Variants in SPOCK3 observed in about 807,000 individuals in gnomAD.
SPOCK3 encodes testican-3.
Under a neutral mutation model 56.6 loss-of-function variants are expected in SPOCK3, and 30 were observed. The observed-to-expected ratio is 0.53, with a 90% confidence interval of 0.40 to 0.72. The LOEUF is 0.72. SPOCK3 is among the 30% of genes least tolerant of loss of function. SPOCK3 has a pLI of 0.00. For synonymous variants in SPOCK3, 196 were observed against 183.3 expected, an observed-to-expected ratio of 1.07 and a Z score of -0.56; for missense variants, 527 against 530.0, an observed-to-expected ratio of 0.99 and a Z score of 0.06.
intron 3 of SPOCK3, among the ~76,000 whole-genome samples, chr4:167,012,879 T>C (rs2150147904): frequency 6.6e-6 from 1 of 152,100 alleles, no homozygotes; most frequent in Non-Finnish European, 1.5e-5. Flanking sequence ...TTCTTGGGAT[T>C]TTTTTAAACT....
chr4:166,868,436 A>G (rs1319516077), intron 6 of SPOCK3, among the ~76,000 whole-genome samples: 2 of 151,998 alleles, frequency 1.3e-5, no homozygotes, highest in Admixed American at 1.3e-4. Flanking sequence ...AGTGAACTCC[A>G]CCCTGGGCAA....
chr4:166,980,824 G>T (rs1405203368), intron 4 of SPOCK3, among the ~76,000 whole-genome samples: 1 of 152,210 alleles, frequency 6.6e-6, no homozygotes, highest in Non-Finnish European at 1.5e-5. Flanking sequence ...TCCAAAGAGG[G>T]TATCACAGCC....
chr4:167,206,527 TTCA>T (rs1734352699), intron 2 of SPOCK3, among the ~76,000 whole-genome samples: 1 of 152,052 alleles, frequency 6.6e-6, no homozygotes, highest in South Asian at 2.1e-4. Context: ...GTTTAAAAAG[TTCA>T]TCAGCAAGAA....
chr4:166,975,136 T>C (rs1413389835), intron 4 of SPOCK3, among the ~76,000 whole-genome samples: 2 of 152,146 alleles, frequency 1.3e-5, no homozygotes, highest in Non-Finnish European at 2.9e-5. Flanking sequence ...GCTGACCAGA[T>C]GTAGCTGCCT....
rs74964510 is a variant in SPOCK3, at chr4:166,956,737, T to A, written c.350+43612A>T. ...TCACATCTAAGCCCACTCCCTCTCA[T>A]ACCCAACGCCCTCAATTCTTCCACT... is the stretch of plus-strand genomic sequence containing the variant. On this transcript the variant is annotated intron_variant, in intron 4 of 10. Coordinates refer to ENST00000357545, the MANE Select transcript of SPOCK3 (RefSeq NM_001040159.2). 5.4e-4 allele frequency among the ~76,000 whole-genome samples: 82 copies of A among 152,180 alleles called. No homozygotes were observed. The East Asian group carries it at 0.014, about 27-fold the overall frequency.
At chr4:167,141,489 A>G (rs913726215) in intron 2 of SPOCK3, among the ~76,000 whole-genome samples, 1 of 152,048 alleles carries the variant, frequency 6.6e-6, no homozygotes, top group Non-Finnish European at 1.5e-5. Context: ...CTGGTGTCCA[A>G]TTCAGCCTTA....
At chr4:167,124,946 G>A (rs529577466) in intron 2 of SPOCK3, among the ~76,000 whole-genome samples, 1 of 151,824 alleles carries the variant, frequency 6.6e-6, no homozygotes, top group Non-Finnish European at 1.5e-5. Flanking sequence ...GTCCTCCCTC[G>A]GCCCAATATC....
At chr4:167,211,174 C>G (rs771577140) in intron 2 of SPOCK3, among the ~76,000 whole-genome samples, 1 of 152,108 alleles carries the variant, frequency 6.6e-6, no homozygotes, top group African/African-American at 2.4e-5. Context: ...TTCGGACTTG[C>G]GTGCGGCCTG....
chr4:167,008,641 T>A (rs1335306584), intron 3 of SPOCK3, among the ~76,000 whole-genome samples: 1 of 152,176 alleles, frequency 6.6e-6, no homozygotes, highest in Non-Finnish European at 1.5e-5. Context: ...ATGTATACCA[T>A]GTAAGACTAT....
intron 4 of SPOCK3, among the ~76,000 whole-genome samples, chr4:166,925,632 T>G (rs1739007417): frequency 6.6e-6 from 1 of 152,168 alleles, no homozygotes; most frequent in Non-Finnish European, 1.5e-5. Context: ...ATTTCTAGCC[T>G]TCTTGGTTTC....
intron 4 of SPOCK3, among the ~76,000 whole-genome samples, chr4:166,948,918 G>C (rs907971460): frequency 2.0e-5 from 3 of 152,062 alleles, no homozygotes; most frequent in Non-Finnish European, 4.4e-5. Flanking sequence ...AGTTCTCCTG[G>C]ATAATATCCT....
intron 3 of SPOCK3, among the ~76,000 whole-genome samples, chr4:167,037,494 GAAAA>G (rs34198420): frequency 7.1e-6 from 1 of 141,808 alleles, no homozygotes; most frequent in Non-Finnish European, 1.5e-5. Context: ...AAAAGAAGAA[GAAAA>G]AAAAAAAAAA....
At chr4:167,002,894 C>T (rs760515055) in intron 3 of SPOCK3, among the ~76,000 whole-genome samples, 6 of 152,042 alleles carry the variant, frequency 3.9e-5, no homozygotes, top group Middle Eastern at 3.2e-3. Flanking sequence ...ACAATTCTGC[C>T]TAACAATTAA....
At chr4:166,794,210 C>CAAAAAAAAAAAAAAAAAAAAAAAAAAA (rs10710162) in intron 6 of SPOCK3, among the ~76,000 whole-genome samples, 2 of 73,612 alleles carry the variant, frequency 2.7e-5, no homozygotes, top group Non-Finnish European at 5.0e-5. Flanking sequence ...GGTGATAAGG[C>CAAAAAAAAAAAAAAAAAAAAAAAAAAA]AAAAAAAAAA....
intron 4 of SPOCK3, among the ~76,000 whole-genome samples, chr4:166,972,570 C>G (rs1455794550): frequency 1.3e-5 from 2 of 152,106 alleles, no homozygotes; most frequent in Non-Finnish European, 1.5e-5. Context: ...TATTAAAACA[C>G]ATTAAAATGA....
intron 6 of SPOCK3, among the ~76,000 whole-genome samples, chr4:166,795,637 T>C (rs1262896260): frequency 1.3e-5 from 2 of 151,898 alleles, no homozygotes; most frequent in Non-Finnish European, 2.9e-5. Flanking sequence ...ATTAATTAAA[T>C]TTGATAAATA....
intron 6 of SPOCK3, among the ~76,000 whole-genome samples, chr4:166,842,253 G>A (rs964331213): frequency 1.3e-5 from 2 of 152,208 alleles, no homozygotes; most frequent in African/African-American, 2.4e-5. Flanking sequence ...TGCTTTTGCT[G>A]GCTCTGGCAG....
intron 2 of SPOCK3, among the ~76,000 whole-genome samples, chr4:167,219,203 G>C (rs974010308): frequency 6.6e-6 from 1 of 152,156 alleles, no homozygotes; most frequent in Non-Finnish European, 1.5e-5. Flanking sequence ...ACCTCAGGCA[G>C]CCTTACTGGA....
chr4:167,088,711 C>T (rs1418503227), intron 2 of SPOCK3, among the ~76,000 whole-genome samples: 2 of 152,054 alleles, frequency 1.3e-5, no homozygotes. Context: ...GATCGGCCCT[C>T]CTGGGCCTCC....
Sources: allele counts gnomAD v4.1 joint callset (sites outside exome capture counted in the v4.1 genomes callset), GRCh38; gene constraint gnomAD v4.1.1; transcripts MANE v1.5; gene names NCBI Gene and HGNC (gene_info 2026-07-23, HGNC 2026-07-21).